The following CCDC39 variants were observed in gnomAD, a reference collection of about 807,000 sequenced individuals.
CCDC39 encodes coiled-coil domain 39 molecular ruler complex subunit.
In CCDC39, 113 loss-of-function variants were observed where a neutral mutation model predicts 121.0. That is an observed-to-expected ratio of 0.93 (90% CI 0.80 to 1.09). The LOEUF is 1.09. Among genes scored for constraint, CCDC39 ranks in the 50% least tolerant of loss-of-function variants. The probability of loss-of-function intolerance (pLI) is 0.00; values close to 1 mark genes in which losing one functional copy is unlikely to be tolerated. For synonymous variants in CCDC39, 349 were observed against 352.2 expected (o/e 0.99, Z 0.10); for missense variants, 1,063 against 1,074.7 (o/e 0.99, Z 0.15).
chr3:180,640,112 T>G (rs1046123057), intron 13 of CCDC39, among the ~76,000 whole-genome samples: 3 of 152,020 alleles, frequency 2.0e-5, no homozygotes, highest in African/African-American at 7.2e-5. Flanking sequence ...AAGAAACTTG[T>G]GGGGGTGATG....
chr3:180,664,046 C>T lies in CCDC39; in HGVS notation c.91-60G>A, dbSNP rs577198606. 43 of 1,443,232 alleles carry T rather than the reference C, an allele frequency of 3.0e-5. No individual in the cohort carries two copies. In the African/African-American group the frequency reaches 6.1e-4, roughly 21 times the overall value. The allele number at this position is 1,443,232 out of a possible 1,614,324, so 89.4% of individuals were successfully genotyped here. On this transcript the variant is annotated intron_variant, in intron 1 of 19. Transcript: ENST00000476379. ...CTATTAAGTTTTACCATATGAAGGA[C>T]CTAAAATCAAAGAAAATTAAATTTT...
chr3:180,658,164 G>A (rs1440384297), intron 6 of CCDC39, among the ~76,000 whole-genome samples: 1 of 151,716 alleles, frequency 6.6e-6, no homozygotes, highest in Non-Finnish European at 1.5e-5. Flanking sequence ...GCTTGAATCC[G>A]GGAGGCAGAG....
At chr3:180,663,015 G>T (rs552444945) in intron 2 of CCDC39, among the ~76,000 whole-genome samples, 1 of 152,274 alleles carries the variant, frequency 6.6e-6, no homozygotes, top group Non-Finnish European at 1.5e-5. Flanking sequence ...CACTTGAACA[G>T]ATTATGAAGC....
intron 9 of CCDC39, among the ~76,000 whole-genome samples, chr3:180,650,870 A>G (rs1183737927): frequency 6.6e-6 from 1 of 151,950 alleles, no homozygotes; most frequent in East Asian, 1.9e-4. Flanking sequence ...AAAATAAAAT[A>G]AAATAAAATA....
intron 10 of CCDC39, 126 bp downstream of exon 10, chr3:180,648,039 C>T (rs1376331256): frequency 8.4e-6 from 6 of 712,902 alleles, no homozygotes; most frequent in African/African-American, 3.6e-5. Context: ...TGATGTCTCA[C>T]CTTCAGCATC....
chr3:180,660,038 AT>A lies in CCDC39; in HGVS notation c.517-270del, dbSNP rs566461900. On this transcript the variant is annotated intron_variant, in intron 4 of 19. Coordinates refer to ENST00000476379, the MANE Select transcript of CCDC39 (RefSeq NM_181426.2). ...AAAAAAGATTAAGTTATAATTTCCT[AT>A]TTGAAAGTTTTAAAATAATGCATTG... Among the ~76,000 whole-genome samples the A allele has an allele frequency of 6.9e-3, 1,048 of 152,210 alleles. 13 individuals carry two copies. The highest frequency in any genetic ancestry group is 0.024 in the African/African-American group (1,007 of 41,568).
chr3:180,668,906 T>C (rs1373797795), intron 1 of CCDC39, among the ~76,000 whole-genome samples: 2 of 152,276 alleles, frequency 1.3e-5, no homozygotes, highest in Non-Finnish European at 2.9e-5. Flanking sequence ...AGTCCTTTCT[T>C]TGGTGATTTT....
chr3:180,639,441 C>T (rs911442933), intron 13 of CCDC39, among the ~76,000 whole-genome samples: 28 of 152,234 alleles, frequency 1.8e-4, no homozygotes, highest in Middle Eastern at 3.4e-3. Flanking sequence ...GAATACTACT[C>T]AGCCACAAAA....
intron 9 of CCDC39, among the ~76,000 whole-genome samples, chr3:180,650,666 G>A (rs1718179071): frequency 6.6e-6 from 1 of 151,864 alleles, no homozygotes; most frequent in Admixed American, 6.6e-5. Context: ...AGGCCAGCCT[G>A]GCCAACATGG....
At position 180,660,572 on chromosome 3, in the gene CCDC39, T is replaced by C. The variant is rs757331133; in HGVS notation, c.514A>G (p.Arg172Gly). ...KYAQQDDNKI[R>G]ALTLQLERLT... ...AGTTACAATTTGTAATTTCTCACCC[T>C]GATTTTATTATCATCTTGTTGTGCA... Residue 172 changes from arginine (R) to glycine (G), a missense_variant and splice_region_variant, in exon 4 of 20, where the codon AGG becomes GGG. Coordinates refer to ENST00000476379, the MANE Select transcript of CCDC39 (RefSeq NM_181426.2). 7 of 1,572,780 alleles carry C rather than the reference T, an allele frequency of 4.5e-6. No homozygotes were observed. Among genetic ancestry groups the C allele is most frequent in the Non-Finnish European group, 5.2e-6 (6 of 1,154,902 alleles).
At chr3:180,646,554 ATAT>A (rs1718072232) in intron 11 of CCDC39, among the ~76,000 whole-genome samples, 1 of 152,144 alleles carries the variant, frequency 6.6e-6, no homozygotes, top group African/African-American at 2.4e-5. Flanking sequence ...ATCATTTCAA[ATAT>A]TATAACTAAG....
At chr3:180,668,148 C>A (rs535088098) in intron 1 of CCDC39, among the ~76,000 whole-genome samples, 1 of 152,150 alleles carries the variant, frequency 6.6e-6, no homozygotes, top group Admixed American at 6.5e-5. Context: ...GAGGCCAAGG[C>A]GGACAGATCA....
chr3:180,633,543 G>T (rs1717751093), intron 13 of CCDC39, among the ~76,000 whole-genome samples: 1 of 152,100 alleles, frequency 6.6e-6, no homozygotes, highest in East Asian at 1.9e-4. Flanking sequence ...TCTGGAGAGA[G>T]AGACAAGGGG....
chr3:180,660,419 G>A, intron 4 of CCDC39, 151 bp downstream of exon 4: 1 of 562,662 alleles, frequency 1.8e-6, no homozygotes, highest in South Asian at 4.0e-5. Context: ...CTACAGAGAA[G>A]ACATTTGGCT....
At chr3:180,670,640 T>TC (rs1491217324) in intron 1 of CCDC39, among the ~76,000 whole-genome samples, 5 of 74,078 alleles carry the variant, frequency 6.7e-5, no homozygotes, top group African/African-American at 1.5e-4. Flanking sequence ...TTTTTTTCTC[T>TC]TTTTTTTTTT....
chr3:180,676,407 G>A (rs1265048971), intron 1 of CCDC39, among the ~76,000 whole-genome samples: 16 of 152,186 alleles, frequency 1.1e-4, no homozygotes, highest in African/African-American at 3.9e-4. Flanking sequence ...CATCATCACT[G>A]GCCATCAGAG....
chr3:180,646,974 G>T, intron 11 of CCDC39, 105 bp downstream of exon 11: 1 of 927,306 alleles, frequency 1.1e-6, no homozygotes, highest in Non-Finnish European at 1.7e-6. Context: ...TTATATATGT[G>T]TGTAGAGTGG....
intron 13 of CCDC39, among the ~76,000 whole-genome samples, 166 bp downstream of exon 13, chr3:180,641,827 A>G (rs1717959860): frequency 6.6e-6 from 1 of 152,172 alleles, no homozygotes; most frequent in Admixed American, 6.5e-5. Flanking sequence ...TAACCAAAAG[A>G]AGAGCCTAGA....
chr3:180,636,436 C>G (rs577648484), intron 13 of CCDC39, among the ~76,000 whole-genome samples: 43 of 151,176 alleles, frequency 2.8e-4, no homozygotes, highest in Admixed American at 2.7e-3. Context: ...TTACAAAACA[C>G]TGTTCAAGGA....
Sources: allele counts gnomAD v4.1 joint callset (sites outside exome capture counted in the v4.1 genomes callset), GRCh38; gene constraint gnomAD v4.1.1; transcripts MANE v1.5; gene names NCBI Gene and HGNC (gene_info 2026-07-23, HGNC 2026-07-21).